GAGE10: variants seen among roughly 807,000 people sequenced by gnomAD.
GAGE10 encodes the protein G antigen 10.
Under a neutral mutation model 11.5 loss-of-function variants are expected in GAGE10, and 9 were observed. That is an observed-to-expected ratio of 0.78 (90% CI 0.47 to 1.37). The LOEUF (loss-of-function observed/expected upper bound fraction) is 1.37. Ranked by LOEUF, GAGE10 falls within the 40% of genes most tolerant of loss-of-function variation. The pLI is 0.00. For missense variants in GAGE10, 83 were observed against 92.9 expected (o/e 0.89, Z 0.44); for synonymous variants, 23 against 29.7 (o/e 0.77, Z 0.73).
chrX:49,308,884 G>A (rs781885631), intron 3 of GAGE10, among the ~76,000 whole-genome samples: 46 of 111,944 alleles, frequency 4.1e-4, no homozygotes, highest in Non-Finnish European at 7.5e-4. Context: ...CAGGACACGG[G>A]AGAGGCCCGT....
chrX:49,319,265 C>T (rs1242443982), intron 4 of GAGE10, among the ~76,000 whole-genome samples: 1 of 110,424 alleles, frequency 9.1e-6, no homozygotes, highest in African/African-American at 3.3e-5. Flanking sequence ...TGCTCCCTGC[C>T]CCACTGTCAG....
intron 3 of GAGE10, among the ~76,000 whole-genome samples, chrX:49,306,201 T>C (rs2147984604): frequency 8.9e-6 from 1 of 112,372 alleles, no homozygotes; most frequent in African/African-American, 3.2e-5. Context: ...TTCTCCTAGA[T>C]AAAATATTTT....
At position 49,307,944 on chromosome X, in the gene GAGE10, A is replaced by C. The variant is rs782446425; in HGVS notation, c.202+2420A>C. ...AGTCTTATCTCTCCCTTTCCGAGGC[A>C]TTGTGAAGACCCTGTTTCTCTAGTT... On this transcript the variant is annotated intron_variant, in intron 3 of 4. Coordinates refer to ENST00000407599, the MANE Select transcript of GAGE10 (RefSeq NM_001098413.4). Among the ~76,000 whole-genome samples the C allele has an allele frequency of 5.3e-5, 6 of 112,371 alleles. No homozygotes were observed. The South Asian group carries it at 2.2e-3, about 41-fold the overall frequency.
At chrX:49,310,843 T>A (rs782687039) in intron 3 of GAGE10, among the ~76,000 whole-genome samples, 1 of 111,371 alleles carries the variant, frequency 9.0e-6, no homozygotes, top group Non-Finnish European at 1.9e-5. Flanking sequence ...AGATGTATTA[T>A]TAGGGGACAA....
intron 3 of GAGE10, among the ~76,000 whole-genome samples, chrX:49,314,650 C>T (rs1388596640): frequency 2.7e-5 from 3 of 112,290 alleles, no homozygotes; most frequent in African/African-American, 6.5e-5. Flanking sequence ...CGTCCAACCC[C>T]GCAATTTCGG....
intron 3 of GAGE10, among the ~76,000 whole-genome samples, chrX:49,311,550 C>T (rs2066376415): frequency 8.9e-6 from 1 of 111,746 alleles, no homozygotes; most frequent in African/African-American, 3.3e-5. Context: ...CCAAACTTCT[C>T]CCTTACAGCA....
rs111851556 is a variant in GAGE10, at chrX:49,304,192, C to T, written c.-9+439C>T. On this transcript the variant is annotated intron_variant, in intron 1 of 4. Coordinates refer to ENST00000407599, the MANE Select transcript of GAGE10 (RefSeq NM_001098413.4). ...AGGGACCTGGCACCTGGGAAGACTG[C>T]GGGCTGGTGAGTGCCCCTGAGCTTT... 3.3e-3 allele frequency among the ~76,000 whole-genome samples: 368 copies of T among 111,949 alleles called. 2 individuals are homozygous for T. Among genetic ancestry groups the T allele is most frequent in the African/African-American group, 0.011 (345 of 30,844 alleles).
chrX:49,312,111 C>T (rs1461115068), intron 3 of GAGE10, among the ~76,000 whole-genome samples: 5 of 111,962 alleles, frequency 4.5e-5, no homozygotes, highest in Admixed American at 1.9e-4. Context: ...TGCATAAATA[C>T]GGTGAACGAG....
intron 3 of GAGE10, among the ~76,000 whole-genome samples, chrX:49,315,079 C>T (rs1183282160): frequency 8.9e-6 from 1 of 111,840 alleles, no homozygotes; most frequent in Non-Finnish European, 1.9e-5. Flanking sequence ...AACCCTTTCT[C>T]TCGGTTCTCT....
intron 3 of GAGE10, among the ~76,000 whole-genome samples, chrX:49,308,082 C>T (rs1557124337): frequency 8.9e-6 from 1 of 112,109 alleles, no homozygotes; most frequent in African/African-American, 3.2e-5. Context: ...ATTTGTTTCC[C>T]ACTTCTGTAA....
chrX:49,305,261 A>G, intron 2 of GAGE10, 143 bp from the exon 3 acceptor site: 1 of 1,170,532 alleles, frequency 8.5e-7, no homozygotes, highest in Non-Finnish European at 1.1e-6. Context: ...GAGTAACCTT[A>G]TTGGGCATAG....
chrX:49,310,646 C>T (rs1467758810), intron 3 of GAGE10, among the ~76,000 whole-genome samples: 1 of 110,328 alleles, frequency 9.1e-6, no homozygotes, highest in Non-Finnish European at 1.9e-5. Flanking sequence ...CGGGCTCCAT[C>T]CTTTTAGGCC....
At chrX:49,308,152 T>A (rs2066363807) in intron 3 of GAGE10, among the ~76,000 whole-genome samples, 2 of 112,727 alleles carry the variant, frequency 1.8e-5, no homozygotes, top group South Asian at 7.3e-4. Context: ...ATAGCTTGAC[T>A]CTTTGTTTGG....
At chrX:49,306,667 C>T (rs782213873) in intron 3 of GAGE10, among the ~76,000 whole-genome samples, 3 of 111,595 alleles carry the variant, frequency 2.7e-5, no homozygotes, top group Non-Finnish European at 3.8e-5. Flanking sequence ...TATACATGTC[C>T]TGTGGTTTAT....
intron 3 of GAGE10, among the ~76,000 whole-genome samples, chrX:49,313,979 C>T (rs782550299): frequency 6.6e-4 from 74 of 111,892 alleles, no homozygotes; most frequent in Non-Finnish European, 1.1e-3. Context: ...GGACCATCTC[C>T]GGATAATTAA....
At chrX:49,314,475 C>G (rs1157322702) in intron 3 of GAGE10, among the ~76,000 whole-genome samples, 1 of 112,378 alleles carries the variant, frequency 8.9e-6, no homozygotes, top group Non-Finnish European at 1.9e-5. Context: ...GTCAACCAAA[C>G]CAAATTGTAA....
intron 3 of GAGE10, among the ~76,000 whole-genome samples, chrX:49,306,387 G>A (rs1383915339): frequency 9.0e-6 from 1 of 111,571 alleles, no homozygotes; most frequent in East Asian, 2.8e-4. Flanking sequence ...TTGGTGCTTT[G>A]TTCTTCACGG....
chrX:49,317,202 C>A lies in GAGE10; in HGVS notation c.242C>A (p.Pro81Gln). ...GCTGATAGCCAGGAACAGGTTCACC[C>A]AAAGACTGGGTGTGAGTGTGGAGAT... The part of the protein sequence containing the change: ...PEADSQEQVH[P>Q]KTGCECGDGP... Residue 81 changes from proline (P) to glutamine (Q), a missense_variant, in exon 4 of 5, where the codon CCA becomes CAA. This residue lies in a region of GAGE10 where 66 missense variants were observed against 35.4 expected (regional missense o/e 1.87). Transcript: ENST00000407599. 1 of 1,207,158 alleles carries A rather than the reference C, an allele frequency of 8.3e-7. No homozygotes were observed. The highest frequency in any genetic ancestry group is 1.7e-5 in the African/African-American group (1 of 57,562).
intron 2 of GAGE10, among the ~76,000 whole-genome samples, chrX:49,305,164 G>A (rs782188828): frequency 9.0e-6 from 1 of 111,524 alleles, no homozygotes; most frequent in East Asian, 2.8e-4. Flanking sequence ...GTTAATGACA[G>A]ATTGTACACA....
Sources: allele counts gnomAD v4.1 joint callset (sites outside exome capture counted in the v4.1 genomes callset), GRCh38; gene constraint gnomAD v4.1.1; regional missense constraint gnomAD v4.1.1; transcripts MANE v1.5; gene names NCBI Gene and HGNC (gene_info 2026-07-23, HGNC 2026-07-21).